Variants in GALNTL6 observed in about 807,000 individuals in gnomAD.
The protein encoded by GALNTL6 is polypeptide N-acetylgalactosaminyltransferase-like 6.
A neutral mutation model predicts 73.7 loss-of-function variants in GALNTL6; 46 were observed. The ratio of observed to expected loss-of-function variants is 0.62; its 90% CI spans 0.49 to 0.80. The LOEUF is 0.80. Ranked by LOEUF, GALNTL6 falls within the 30% of genes least tolerant of loss-of-function variation. GALNTL6 has a pLI of 0.00. For missense variants in GALNTL6, 604 were observed against 755.0 expected (o/e 0.80, Z 2.34); for synonymous variants, 259 against 263.7 (o/e 0.98, Z 0.17).
intron 2 of GALNTL6, among the ~76,000 whole-genome samples, chr4:172,202,578 A>T (rs1407171547): frequency 6.6e-6 from 1 of 152,194 alleles, no homozygotes; most frequent in Non-Finnish European, 1.5e-5. Flanking sequence ...AAGATTAAAA[A>T]ATAGCTTCAT....
chr4:172,062,375 A>G (rs1731237406), intron 2 of GALNTL6, among the ~76,000 whole-genome samples: 1 of 152,212 alleles, frequency 6.6e-6, no homozygotes, highest in Non-Finnish European at 1.5e-5. Flanking sequence ...ATTACAAAAT[A>G]CCAACTCACC....
chr4:172,089,476 A>G (rs1732138201), intron 2 of GALNTL6, among the ~76,000 whole-genome samples: 1 of 152,112 alleles, frequency 6.6e-6, no homozygotes, highest in South Asian at 2.1e-4. Flanking sequence ...TTTAGGAAAA[A>G]GGCCATTTTA....
intron 5 of GALNTL6, among the ~76,000 whole-genome samples, chr4:172,398,351 A>G (rs1443587801): frequency 6.6e-6 from 1 of 152,232 alleles, no homozygotes; most frequent in Non-Finnish European, 1.5e-5. Flanking sequence ...TCTTTCATTA[A>G]TAAAATGAAC....
chr4:172,249,104 G>A (rs1425809310), intron 3 of GALNTL6, among the ~76,000 whole-genome samples: 1 of 152,186 alleles, frequency 6.6e-6, no homozygotes, highest in Non-Finnish European at 1.5e-5. Flanking sequence ...GAGAATGTGG[G>A]AAAGTTTGGA....
chr4:172,239,678 G>A (rs187911961), intron 3 of GALNTL6, among the ~76,000 whole-genome samples: 2 of 152,196 alleles, frequency 1.3e-5, no homozygotes, highest in East Asian at 3.9e-4. Flanking sequence ...TGTGATGTTA[G>A]ATTGTTAATT....
intron 5 of GALNTL6, among the ~76,000 whole-genome samples, chr4:172,554,060 T>C (rs556494995): frequency 6.6e-6 from 1 of 152,242 alleles, no homozygotes; most frequent in East Asian, 1.9e-4. Context: ...AAGTACCAGC[T>C]TGGGCTCAGC....
chr4:172,056,229 T>C (rs755220450), intron 2 of GALNTL6, among the ~76,000 whole-genome samples: 88 of 152,182 alleles, frequency 5.8e-4, no homozygotes, highest in Admixed American at 1.5e-3. Flanking sequence ...TTATATTTTC[T>C]GCATAACATT....
intron 2 of GALNTL6, among the ~76,000 whole-genome samples, chr4:172,224,070 ATG>A (rs1280742459): frequency 3.3e-5 from 5 of 152,270 alleles, no homozygotes; most frequent in African/African-American, 1.2e-4. Flanking sequence ...CTCAGTGACT[ATG>A]TTAAGATTTT....
In GALNTL6 at chr4:172,904,129, A is replaced by G. The variant is rs968100857; in HGVS notation, c.1041+21222A>G. ...CAATATTTAATTAAATTACATAATT[A>G]CAATGGAAAAACTAGCATAATCACA... On this transcript the variant is annotated intron_variant, in intron 8 of 12. Transcript: ENST00000506823. Among the ~76,000 whole-genome samples the G allele has an allele frequency of 4.6e-5, 7 of 152,218 alleles. No individual in the cohort carries two copies. The East Asian group carries it at 9.6e-4, about 21-fold the overall frequency.
intron 2 of GALNTL6, among the ~76,000 whole-genome samples, chr4:171,900,989 A>C (rs1055546398): frequency 1.3e-5 from 2 of 152,192 alleles, no homozygotes; most frequent in South Asian, 4.1e-4. Flanking sequence ...TCAGAGCACA[A>C]AATGTCCAAA....
intron 7 of GALNTL6, among the ~76,000 whole-genome samples, chr4:172,850,741 A>C (rs1374973891): frequency 6.6e-6 from 1 of 152,164 alleles, no homozygotes; most frequent in Non-Finnish European, 1.5e-5. Context: ...TAAGTTGAGA[A>C]TTCCCATGAC....
At chr4:171,995,630 C>A (rs1740463491) in intron 2 of GALNTL6, among the ~76,000 whole-genome samples, 1 of 151,916 alleles carries the variant, frequency 6.6e-6, no homozygotes, top group Non-Finnish European at 1.5e-5. Context: ...AACAAATAAA[C>A]ACAAGAATAT....
intron 5 of GALNTL6, among the ~76,000 whole-genome samples, chr4:172,686,745 A>T (rs1032118247): frequency 3.3e-5 from 5 of 152,188 alleles, no homozygotes; most frequent in Non-Finnish European, 5.9e-5. Flanking sequence ...GCCCTCAAGG[A>T]ATGTGTTTTT....
chr4:173,025,255 C>T (rs1382116630), intron 12 of GALNTL6, among the ~76,000 whole-genome samples: 1 of 152,202 alleles, frequency 6.6e-6, no homozygotes, highest in South Asian at 2.1e-4. Flanking sequence ...TTTTCTTTTA[C>T]CACCAGGGGG....
intron 2 of GALNTL6, among the ~76,000 whole-genome samples, chr4:172,212,204 C>T (rs571640527): frequency 3.6e-4 from 55 of 152,190 alleles, no homozygotes; most frequent in African/African-American, 1.3e-3. Context: ...CTCTGTCACC[C>T]AGGCTGGAGT....
intron 5 of GALNTL6, among the ~76,000 whole-genome samples, chr4:172,628,687 T>A (rs988995522): frequency 6.6e-6 from 1 of 152,158 alleles, no homozygotes; most frequent in African/African-American, 2.4e-5. Flanking sequence ...TCTCTGTGAA[T>A]GCCATTATTC....
chr4:171,869,059 A>G (rs1349002795), intron 2 of GALNTL6, among the ~76,000 whole-genome samples: 1 of 152,202 alleles, frequency 6.6e-6, no homozygotes, highest in Non-Finnish European at 1.5e-5. Flanking sequence ...AAACGGGAAG[A>G]TATAACAGGG....
chr4:172,684,080 G>A (rs184370110), intron 5 of GALNTL6, among the ~76,000 whole-genome samples: 1 of 152,244 alleles, frequency 6.6e-6, no homozygotes, highest in East Asian at 1.9e-4. Flanking sequence ...AAATTTACTA[G>A]AAATGCAGAC....
chr4:172,346,399 G>T (rs1367705280), intron 4 of GALNTL6, among the ~76,000 whole-genome samples: 1 of 152,134 alleles, frequency 6.6e-6, no homozygotes, highest in Admixed American at 6.5e-5. Flanking sequence ...CATCTGATCA[G>T]TTGCCCATGT....
Sources: gnomAD v4.1 joint callset for allele counts (sites outside exome capture counted in the v4.1 genomes callset) on GRCh38, gnomAD v4.1.1 for gene constraint, MANE v1.5 for transcripts, NCBI Gene and HGNC (gene_info 2026-07-23, HGNC 2026-07-21) for gene names.